The following ST7 variants were observed in gnomAD, a reference collection of about 807,000 sequenced individuals.
ST7 encodes suppression of tumorigenicity 7.
ST7 carries 28 observed loss-of-function variants against 78.7 expected under a neutral mutation model. That is an observed-to-expected ratio of 0.36 (90% confidence interval 0.26 to 0.49). The LOEUF (loss-of-function observed/expected upper bound fraction) is 0.49, where lower values mean the gene tolerates loss of function less well. Among genes scored for constraint, ST7 ranks in the 20% least tolerant of loss-of-function variants. The pLI is 0.99. For synonymous variants in ST7, 247 were observed against 249.6 expected (o/e 0.99, Z 0.10); for missense variants, 418 against 696.0 (o/e 0.60, Z 4.49).
At chr7:117,115,353 C>CT (rs1272973593) in intron 2 of ST7, among the ~76,000 whole-genome samples, 1,627 of 135,302 alleles carry the variant, frequency 0.012, 12 homozygotes, top group African/African-American at 0.016. Flanking sequence ...TGGTAGGTTA[C>CT]TTTTTTTTTT....
chr7:117,100,511 T>C (rs1801492142), intron 2 of ST7, among the ~76,000 whole-genome samples: 1 of 152,108 alleles, frequency 6.6e-6, no homozygotes, highest in African/African-American at 2.4e-5. Flanking sequence ...AATGGAATAT[T>C]GTACAAAATC....
At position 117,219,243 on chromosome 7, in the gene ST7, A is replaced by G; in HGVS notation, c.1498+67A>G. On this transcript the variant is annotated intron_variant, in intron 14 of 15. Transcript: ENST00000323984. The surrounding 1 kb of genome is among the most constrained non-coding windows in gnomAD (Gnocchi z 5.1). Reference sequence around the variant, plus strand: ...AAGGTGGGGATTGGAAGAGGTGGGAATATCAAAGTTTAGAATGCTCCTTGT... The same window carrying G: ...AAGGTGGGGATTGGAAGAGGTGGGAGTATCAAAGTTTAGAATGCTCCTTGT... 1 of 1,308,828 alleles carries G rather than the reference A, an allele frequency of 7.6e-7. No individual in the cohort carries two copies. The highest frequency in any genetic ancestry group is 1.1e-6 in the Non-Finnish European group (1 of 929,598). 81.1% of individuals were successfully genotyped at this position (1,308,828 alleles called of 1,614,324 possible).
At chr7:117,215,433 G>A (rs2116105821) in intron 13 of ST7, among the ~76,000 whole-genome samples, 1 of 152,206 alleles carries the variant, frequency 6.6e-6, no homozygotes, top group African/African-American at 2.4e-5. Flanking sequence ...GGAACTTTAG[G>A]TTTAATAGAG....
At chr7:117,132,108 T>TG (rs1234410543) in intron 6 of ST7, 148 bp downstream of exon 6, 1 of 756,488 alleles carries the variant, frequency 1.3e-6, no homozygotes, top group African/African-American at 1.8e-5. Flanking sequence ...AAAGTTTTTT[T>TG]TTTAAATGAA....
chr7:117,078,883 A>G (rs1799549740), intron 1 of ST7, among the ~76,000 whole-genome samples: 2 of 152,188 alleles, frequency 1.3e-5, no homozygotes, highest in Admixed American at 6.5e-5. Flanking sequence ...GTTGGAGGAT[A>G]GTGCTTGGGT....
chr7:117,152,342 G>A (rs1806360819), intron 9 of ST7, among the ~76,000 whole-genome samples: 1 of 151,134 alleles, frequency 6.6e-6, no homozygotes, highest in African/African-American at 2.4e-5. Flanking sequence ...CTGCTCTGAA[G>A]TCAAGTGTTT....
intron 1 of ST7, among the ~76,000 whole-genome samples, chr7:117,063,473 CT>C (rs2116457378): frequency 6.6e-6 from 1 of 152,230 alleles, no homozygotes; most frequent in African/African-American, 2.4e-5. Context: ...CTTTGGGAGG[CT>C]GAGATGGGCA....
In ST7 at chr7:117,219,055, A is replaced by ATCTC; in HGVS notation, c.1406-27_1406-24dup. ...GGAAGTTATGACACAAACATTGGACATCTCTGACATATTTTTTCTCGTTTT... is the reference window on the plus strand; with the variant it reads ...GGAAGTTATGACACAAACATTGGACATCTCTCTCTGACATATTTTTTCTCGTTTT... On this transcript the variant is annotated intron_variant, in intron 13 of 15. Transcript: ENST00000323984. This position sits in a 1 kb window ranked among gnomAD's most constrained non-coding sequence, Gnocchi z 5.1. 6.4e-7 allele frequency: 1 copy of ATCTC among 1,572,606 alleles called. No individual in the cohort carries two copies. The highest frequency in any genetic ancestry group is 1.2e-5 in the South Asian group (1 of 86,594).
chr7:117,014,998 C>A, intron 1 of ST7: 1 of 1,366,144 alleles, frequency 7.3e-7, no homozygotes, highest in Non-Finnish European at 9.6e-7. Flanking sequence ...CTTACTGCTT[C>A]ATTATGGATT....
chr7:117,102,637 T>G (rs1801648843), intron 2 of ST7, among the ~76,000 whole-genome samples: 1 of 152,152 alleles, frequency 6.6e-6, no homozygotes, highest in African/African-American at 2.4e-5. Context: ...TTTAGAGCTA[T>G]GTAAGAAACT....
intron 1 of ST7, chr7:116,958,731 T>C (rs761472402): frequency 4.3e-6 from 2 of 470,258 alleles, no homozygotes; most frequent in South Asian, 1.6e-5. Context: ...ATAAAAGTTA[T>C]AGTCACACTA....
At chr7:117,097,291 T>G (rs1801119541) in intron 1 of ST7, among the ~76,000 whole-genome samples, 1 of 151,988 alleles carries the variant, frequency 6.6e-6, no homozygotes, top group East Asian at 1.9e-4. Context: ...TATGAATGTT[T>G]ATAATTACAG....
At chr7:117,006,899 A>C (rs949121800) in intron 1 of ST7, among the ~76,000 whole-genome samples, 2 of 152,202 alleles carry the variant, frequency 1.3e-5, no homozygotes, top group Admixed American at 1.3e-4. Flanking sequence ...GGGGTGCCGC[A>C]AACCACATCC....
At chr7:117,032,785 C>T (rs1796670238) in intron 1 of ST7, among the ~76,000 whole-genome samples, 1 of 152,170 alleles carries the variant, frequency 6.6e-6, no homozygotes, top group Non-Finnish European at 1.5e-5. Context: ...AATCCTCCAA[C>T]AATCTCTAGT....
At chr7:117,106,121 C>T (rs1167055123) in intron 2 of ST7, among the ~76,000 whole-genome samples, 2 of 152,108 alleles carry the variant, frequency 1.3e-5, no homozygotes, top group Non-Finnish European at 2.9e-5. Flanking sequence ...GCCTCAGCCT[C>T]CCGAGTAGCT....
chr7:117,070,108 T>G (rs1254244747), intron 1 of ST7, among the ~76,000 whole-genome samples: 1 of 152,214 alleles, frequency 6.6e-6, no homozygotes, highest in East Asian at 1.9e-4. Flanking sequence ...GGAAAATTCT[T>G]TTAGTCCTTT....
chr7:117,193,211 T>G (rs1809967239), intron 12 of ST7, among the ~76,000 whole-genome samples: 1 of 150,528 alleles, frequency 6.6e-6, no homozygotes, highest in Non-Finnish European at 1.5e-5. Flanking sequence ...AATAATAGTC[T>G]TAGTTCTAAT....
At chr7:116,972,029 A>G in intron 1 of ST7, 2 of 453,058 alleles carry the variant, frequency 4.4e-6, no homozygotes, top group East Asian at 4.5e-5. Flanking sequence ...GACACAGGGG[A>G]GGAGCGGGAG....
chr7:116,991,596 G>A (rs752928889), intron 1 of ST7, among the ~76,000 whole-genome samples: 21 of 152,118 alleles, frequency 1.4e-4, no homozygotes, highest in Non-Finnish European at 1.9e-4. Flanking sequence ...CCCACAACAC[G>A]TGGGAATTAG....
Sources: allele counts gnomAD v4.1 joint callset (sites outside exome capture counted in the v4.1 genomes callset), GRCh38; gene constraint gnomAD v4.1.1; non-coding constraint Gnocchi (gnomAD v3.1); transcripts MANE v1.5; gene names NCBI Gene and HGNC (gene_info 2026-07-23, HGNC 2026-07-21).